Variants in KCNK5 observed in about 807,000 individuals in gnomAD.
KCNK5 encodes the protein potassium two pore domain channel subfamily K member 5, also known as potassium channel subfamily K member 5.
Under a neutral mutation model 32.9 loss-of-function variants are expected in KCNK5, and 18 were observed. The observed-to-expected ratio is 0.55, with a 90% CI of 0.38 to 0.81. The LOEUF is 0.81. Ranked by LOEUF, KCNK5 falls within the 30% of genes least tolerant of loss-of-function variation. The probability of loss-of-function intolerance (pLI) is 0.00; values close to 1 mark genes in which losing one functional copy is unlikely to be tolerated. For missense variants in KCNK5, 507 were observed against 651.0 expected, an observed-to-expected ratio of 0.78 and a Z score of 2.41; for synonymous variants, 276 against 275.3, an observed-to-expected ratio of 1.00 and a Z score of -0.03.
At chr6:39,203,532 T>A (rs938823681) in intron 1 of KCNK5, among the ~76,000 whole-genome samples, 4 of 152,188 alleles carry the variant, frequency 2.6e-5, no homozygotes, top group African/African-American at 4.8e-5. Flanking sequence ...TCTTCACCAC[T>A]TCCCCCCCAT....
chr6:39,204,232 C>T lies in KCNK5; in HGVS notation c.187-8245G>A, dbSNP rs543151174. On this transcript the variant is annotated intron_variant, in intron 1 of 4. Transcript: ENST00000359534. Reference sequence around the variant, plus strand: ...GTATGGATCACATTTGAGAAGAAGGCAGGCAGGCCAAATCAATGGCTGGAG... The same window carrying T: ...GTATGGATCACATTTGAGAAGAAGGTAGGCAGGCCAAATCAATGGCTGGAG... 2.2e-4 allele frequency among the ~76,000 whole-genome samples: 34 copies of T among 152,362 alleles called. 1 individual carries two copies. Among genetic ancestry groups the T allele is most frequent in the African/African-American group, 8.2e-4 (34 of 41,594 alleles).
chr6:39,195,030 T>C (rs114404966), intron 2 of KCNK5, among the ~76,000 whole-genome samples: 5,834 of 152,284 alleles, frequency 0.038, 156 homozygotes, highest in South Asian at 0.098. Flanking sequence ...GTCTATATGG[T>C]ACCACTGTGC....
At chr6:39,193,287 G>A (rs1329564920) in intron 4 of KCNK5, among the ~76,000 whole-genome samples, 1 of 152,198 alleles carries the variant, frequency 6.6e-6, no homozygotes, top group Non-Finnish European at 1.5e-5. Context: ...CAGCAGGCCC[G>A]GACTTGGCAG....
intron 1 of KCNK5, among the ~76,000 whole-genome samples, chr6:39,218,481 G>A (rs768645018): frequency 5.3e-5 from 8 of 152,212 alleles, no homozygotes; most frequent in Non-Finnish European, 1.0e-4. Context: ...TCTAGAGACT[G>A]TTCTGCCCCC....
rs374030921 is a variant in KCNK5, at chr6:39,229,245, C to A, written c.-134G>T. On this transcript the variant is annotated 5_prime_UTR_variant, in exon 1 of 5. Transcript: ENST00000359534. ...TGCGCAGTGCCCGGTACTCACCCCC[C>A]GCAAGCACCGCTCCCCGGACAGAGT... 40 of 888,424 alleles carry A rather than the reference C, an allele frequency of 4.5e-5. No individual in the cohort carries two copies. The highest frequency in any genetic ancestry group is 5.4e-5 in the Non-Finnish European group (32 of 594,388). The allele number at this position is 888,424 out of a possible 1,614,324, so 55.0% of individuals were successfully genotyped here. A position where few individuals can be genotyped will look rare whatever the true frequency, so the allele number is the denominator to read the frequency against.
chr6:39,206,023 G>A (rs1771218426), intron 1 of KCNK5, among the ~76,000 whole-genome samples: 1 of 152,206 alleles, frequency 6.6e-6, no homozygotes, highest in African/African-American at 2.4e-5. Flanking sequence ...TGAGACCTAA[G>A]ACCCTGAAGG....
chr6:39,191,994 A>G lies in KCNK5; in HGVS notation c.635-239T>C, dbSNP rs1328451574. 6.6e-6 allele frequency among the ~76,000 whole-genome samples: 1 copy of G among 152,068 alleles called. No individual in the cohort carries two copies. Among genetic ancestry groups the G allele is most frequent in the Non-Finnish European group, 1.5e-5 (1 of 68,004 alleles). ...CTGTCTCTGAGTCTCGGTTTCCTCA[A>G]CTAGAAACGTCAAGACAGGCCAGGC... is the stretch of plus-strand genomic sequence containing the variant. On this transcript the variant is annotated intron_variant, in intron 4 of 4. Coordinates refer to ENST00000359534, the MANE Select transcript of KCNK5 (RefSeq NM_003740.4). The surrounding 1 kb of genome is among the most constrained non-coding windows in gnomAD (Gnocchi z 5.8).
rs368206379 is a variant in KCNK5, at chr6:39,229,170, C to T, written c.-59G>A. The T allele has an allele frequency of 1.3e-6, 2 of 1,558,340 alleles. No individual in the cohort carries two copies. Among genetic ancestry groups the T allele is most frequent in the Non-Finnish European group, 1.8e-6 (2 of 1,139,970 alleles). On this transcript the variant is annotated 5_prime_UTR_variant, in exon 1 of 5. Transcript: ENST00000359534. ...CTCCTAGCCCCAGCTGCTACCAGTC[C>T]GCCCGCCCTCCAGCCTCTGAAAACA...
At chr6:39,195,629 T>C (rs1771017470) in intron 2 of KCNK5, among the ~76,000 whole-genome samples, 2 of 152,240 alleles carry the variant, frequency 1.3e-5, no homozygotes, top group South Asian at 2.1e-4. Context: ...ATCTCTTGCA[T>C]GGCTCTGGCC....
Position 39,190,760 on chromosome 6 carries a change from G to C in KCNK5, c.*130C>G. ...CTGAGGATGATGGAAGGTTAGGAAGGCCCCTGGCCCCCCACTCCCAGTTCC... is the reference window on the plus strand; with the variant it reads ...CTGAGGATGATGGAAGGTTAGGAAGCCCCCTGGCCCCCCACTCCCAGTTCC... On this transcript the variant is annotated 3_prime_UTR_variant, in exon 5 of 5. Coordinates refer to ENST00000359534, the MANE Select transcript of KCNK5 (RefSeq NM_003740.4). 1 of 872,326 alleles carries C rather than the reference G, an allele frequency of 1.1e-6. No individual in the cohort carries two copies. Among genetic ancestry groups the C allele is most frequent in the Non-Finnish European group, 1.6e-6 (1 of 608,762 alleles). 54.0% of individuals were successfully genotyped at this position (872,326 alleles called of 1,614,324 possible). A position where few individuals can be genotyped will look rare whatever the true frequency, so the allele number is the denominator to read the frequency against.
chr6:39,202,262 C>T (rs1296060463), intron 1 of KCNK5, among the ~76,000 whole-genome samples: 1 of 152,226 alleles, frequency 6.6e-6, no homozygotes, highest in East Asian at 1.9e-4. Flanking sequence ...CCACTTCCAG[C>T]ATCGTTCTGC....
rs569020799 is a variant in KCNK5 at position 39,223,132 on chromosome 6, G to C, written c.186+5794C>G. Among the ~76,000 whole-genome samples the C allele has an allele frequency of 1.9e-4, 29 of 152,314 alleles. 2 individuals carry two copies. Among genetic ancestry groups the C allele is most frequent in the African/African-American group, 6.5e-4 (27 of 41,564 alleles). On this transcript the variant is annotated intron_variant, in intron 1 of 4. Coordinates refer to ENST00000359534, the MANE Select transcript of KCNK5 (RefSeq NM_003740.4). ...ATTAGATTCCCACCACACCTGTGCA[G>C]GGACCGCTCCATTGCAGCATAGGAA...
chr6:39,228,794 G>T, intron 1 of KCNK5, 132 bp downstream of exon 1: 2 of 822,728 alleles, frequency 2.4e-6, no homozygotes. Flanking sequence ...GATGAGACAC[G>T]CTCTCTCATC....
At chr6:39,198,916 T>A (rs1771076715) in intron 1 of KCNK5, among the ~76,000 whole-genome samples, 1 of 152,196 alleles carries the variant, frequency 6.6e-6, no homozygotes, top group African/African-American at 2.4e-5. Context: ...CCAGCATCCA[T>A]CAAGGGTGTT....
chr6:39,192,935 TCTC>T (rs1444005886), intron 4 of KCNK5, among the ~76,000 whole-genome samples: 5 of 152,018 alleles, frequency 3.3e-5, no homozygotes, highest in Non-Finnish European at 7.4e-5. Context: ...CCCGGTCAGT[TCTC>T]CTCCCACGAC....
chr6:39,210,662 T>C lies in KCNK5; in HGVS notation c.187-14675A>G, dbSNP rs562242670. Among the ~76,000 whole-genome samples the C allele has an allele frequency of 3.3e-5, 5 of 152,026 alleles. No individual in the cohort carries two copies. In the East Asian group the frequency reaches 9.7e-4, roughly 29 times the overall value. On this transcript the variant is annotated intron_variant, in intron 1 of 4. Transcript: ENST00000359534. ...CCATGTGCCCAGGCACTGGGCAAAATAAAGGAAGTGCAAGACACAGACCCT... is the reference window on the plus strand; with the variant it reads ...CCATGTGCCCAGGCACTGGGCAAAACAAAGGAAGTGCAAGACACAGACCCT...
intron 1 of KCNK5, among the ~76,000 whole-genome samples, chr6:39,203,457 C>T (rs538080842): frequency 6.6e-5 from 10 of 152,346 alleles, no homozygotes; most frequent in South Asian, 6.2e-4. Context: ...GCCAGTTTCT[C>T]GTCCAACCAA....
At chr6:39,215,886 C>G (rs1284266055) in intron 1 of KCNK5, among the ~76,000 whole-genome samples, 1 of 152,172 alleles carries the variant, frequency 6.6e-6, no homozygotes, top group African/African-American at 2.4e-5. Flanking sequence ...TCAGGGGCCT[C>G]TTAGGGCTGT....
chr6:39,198,419 A>G (rs1771065002), intron 1 of KCNK5, among the ~76,000 whole-genome samples: 1 of 152,240 alleles, frequency 6.6e-6, no homozygotes, highest in Admixed American at 6.5e-5. Flanking sequence ...ATTGGGGATA[A>G]GGATGGGATG....
Sources: allele counts gnomAD v4.1 joint callset (sites outside exome capture counted in the v4.1 genomes callset), GRCh38; gene constraint gnomAD v4.1.1; non-coding constraint Gnocchi (gnomAD v3.1); transcripts MANE v1.5; gene names NCBI Gene and HGNC (gene_info 2026-07-23, HGNC 2026-07-21).